Variants in SUGCT observed in about 807,000 individuals in gnomAD.
SUGCT encodes succinyl-CoA:glutarate CoA-transferase.
In SUGCT, 41 loss-of-function variants were observed where a neutral mutation model predicts 55.0. The ratio of observed to expected loss-of-function variants is 0.74; its 90% CI spans 0.58 to 0.97. The LOEUF is 0.97. Ranked by LOEUF, SUGCT falls within the 50% of genes least tolerant of loss-of-function variation. The pLI is 0.00. For synonymous variants in SUGCT, 187 were observed against 200.4 expected, an observed-to-expected ratio of 0.93 and a Z score of 0.56; for missense variants, 568 against 547.8, an observed-to-expected ratio of 1.04 and a Z score of -0.37.
At chr7:40,794,788 C>G (rs1790471494) in intron 13 of SUGCT, among the ~76,000 whole-genome samples, 1 of 151,720 alleles carries the variant, frequency 6.6e-6, no homozygotes, top group Non-Finnish European at 1.5e-5. Context: ...TTTTAATGTC[C>G]TGCGTCGAGA....
chr7:40,542,449 T>C (rs921035865), intron 12 of SUGCT, among the ~76,000 whole-genome samples: 2 of 152,078 alleles, frequency 1.3e-5, no homozygotes, highest in Non-Finnish European at 2.9e-5. Flanking sequence ...ATGCAGAGGG[T>C]CTTGGCGATG....
the SUGCT span, among the ~76,000 whole-genome samples, chr7:40,967,877 A>G: frequency 1.6e-4 from 24 of 152,188 alleles, no homozygotes; most frequent in Admixed American, 1.3e-4. Context: ...ATACAGAAAT[A>G]CATACAATAA....
chr7:40,767,194 T>C (rs1788846511), intron 13 of SUGCT, among the ~76,000 whole-genome samples: 1 of 152,126 alleles, frequency 6.6e-6, no homozygotes, highest in Non-Finnish European at 1.5e-5. Flanking sequence ...ATTGACCCCC[T>C]GCATTAAAGA....
the SUGCT span, among the ~76,000 whole-genome samples, chr7:41,014,370 TA>T: frequency 6.6e-6 from 1 of 152,294 alleles, no homozygotes; most frequent in African/African-American, 2.4e-5. Context: ...ATTAGTTACT[TA>T]AAAAAAGAAA....
chr7:40,766,697 T>C (rs1165146889), intron 13 of SUGCT, among the ~76,000 whole-genome samples: 1 of 152,194 alleles, frequency 6.6e-6, no homozygotes, highest in Non-Finnish European at 1.5e-5. Flanking sequence ...AATTAACCAG[T>C]AGTCAGTTGT....
At chr7:40,869,635 A>G in the SUGCT span, among the ~76,000 whole-genome samples, 3 of 152,024 alleles carry the variant, frequency 2.0e-5, no homozygotes, top group East Asian at 2.0e-4. Flanking sequence ...GTAATTTGCT[A>G]TGCAGTGACA....
chr7:40,977,225 G>T, the SUGCT span, among the ~76,000 whole-genome samples: 1 of 152,172 alleles, frequency 6.6e-6, no homozygotes, highest in African/African-American at 2.4e-5. Context: ...GGGAGGGAGA[G>T]AAAAGGGAAC....
At chr7:40,237,111 G>A (rs1232404156) in intron 6 of SUGCT, among the ~76,000 whole-genome samples, 1 of 151,504 alleles carries the variant, frequency 6.6e-6, no homozygotes, top group Admixed American at 6.6e-5. Context: ...AGGATTACAG[G>A]CGTGAGCCAC....
intron 9 of SUGCT, among the ~76,000 whole-genome samples, chr7:40,423,868 C>G (rs1396076822): frequency 6.6e-6 from 1 of 152,034 alleles, no homozygotes; most frequent in African/African-American, 2.4e-5. Context: ...TTATCATAAA[C>G]TTTATGATAT....
chr7:40,316,898 G>GT, intron 9 of SUGCT, 43 bp downstream of exon 9: 1 of 775,056 alleles, frequency 1.3e-6, no homozygotes, highest in Non-Finnish European at 1.8e-6. Context: ...GTAATTTGCA[G>GT]TTTTATATGA....
At chr7:40,360,410 AATTC>A (rs1175042920) in intron 9 of SUGCT, among the ~76,000 whole-genome samples, 1 of 152,242 alleles carries the variant, frequency 6.6e-6, no homozygotes, top group African/African-American at 2.4e-5. Flanking sequence ...GAAGGAATAC[AATTC>A]ATTCATTGAT....
intron 12 of SUGCT, among the ~76,000 whole-genome samples, chr7:40,722,814 C>G (rs1273044916): frequency 6.6e-6 from 1 of 152,136 alleles, no homozygotes; most frequent in African/African-American, 2.4e-5. Flanking sequence ...TGAAGTATTT[C>G]TATTTTCTTG....
chr7:40,471,796 G>A (rs1790414840), intron 11 of SUGCT, among the ~76,000 whole-genome samples: 1 of 151,824 alleles, frequency 6.6e-6, no homozygotes, highest in African/African-American at 2.4e-5. Flanking sequence ...AAAATATAAG[G>A]TGGGAAATAT....
At chr7:40,827,403 A>G (rs1211464398) in intron 13 of SUGCT, among the ~76,000 whole-genome samples, 1 of 152,004 alleles carries the variant, frequency 6.6e-6, no homozygotes, top group African/African-American at 2.4e-5. Context: ...GAGTAGGGAG[A>G]AGAGAGGGAG....
At chr7:40,347,580 T>C (rs1205260859) in intron 9 of SUGCT, among the ~76,000 whole-genome samples, 1 of 152,132 alleles carries the variant, frequency 6.6e-6, no homozygotes, top group African/African-American at 2.4e-5. Context: ...GAGTTAGAGA[T>C]TTGAAAAATT....
At chr7:40,447,668 A>G (rs1215781805) in intron 9 of SUGCT, among the ~76,000 whole-genome samples, 1 of 152,128 alleles carries the variant, frequency 6.6e-6, no homozygotes, top group Non-Finnish European at 1.5e-5. Flanking sequence ...TTTATGGAGA[A>G]CTGAGCCTAT....
intron 13 of SUGCT, among the ~76,000 whole-genome samples, chr7:40,836,947 CAT>C (rs1364507397): frequency 6.6e-6 from 1 of 152,048 alleles, no homozygotes; most frequent in African/African-American, 2.4e-5. Flanking sequence ...CTCGGGGATA[CAT>C]GTTTAGGTGT....
chr7:40,339,702 G>A (rs192144479), intron 9 of SUGCT, among the ~76,000 whole-genome samples: 61 of 152,334 alleles, frequency 4.0e-4, no homozygotes, highest in Middle Eastern at 6.8e-3. Context: ...CCTGGGTGAG[G>A]TGATGCTTCA....
the SUGCT span, among the ~76,000 whole-genome samples, chr7:40,912,837 C>T: frequency 2.7e-5 from 4 of 147,708 alleles, no homozygotes; most frequent in Non-Finnish European, 4.5e-5. Context: ...TTAGTTTTCA[C>T]AATAGAATGC....
Sources: allele counts gnomAD v4.1 joint callset (sites outside exome capture counted in the v4.1 genomes callset), GRCh38; gene constraint gnomAD v4.1.1; transcripts MANE v1.5; gene names NCBI Gene and HGNC (gene_info 2026-07-23, HGNC 2026-07-21).